Variants in AKAP13 observed in about 807,000 individuals in gnomAD.
AKAP13 encodes the protein A-kinase anchoring protein 13.
AKAP13 carries 80 observed loss-of-function variants against 264.5 expected under a neutral mutation model. The observed-to-expected ratio is 0.30, with a 90% CI of 0.25 to 0.36. The LOEUF (loss-of-function observed/expected upper bound fraction) is 0.36, where lower values mean the gene tolerates loss of function less well. Ranked by LOEUF, AKAP13 falls within the 10% of genes least tolerant of loss-of-function variation. The probability of loss-of-function intolerance (pLI) is 1.00; values close to 1 mark genes in which losing one functional copy is unlikely to be tolerated. For synonymous variants in AKAP13, 1,380 were observed against 1,250.2 expected (o/e 1.10, Z -2.19); for missense variants, 3,712 against 3,435.2 (o/e 1.08, Z -2.01).
rs78602494 is a variant in AKAP13, at chr15:85,413,269, C to T, written c.-12+32471C>T. On this transcript the variant is annotated intron_variant, in intron 1 of 36. Transcript: ENST00000394518. ...GGAGCTGGATCTTTAGAAGGTGGTT[C>T]TTTCAGAACTTCAGAACAGACCGTA... Among the ~76,000 whole-genome samples, 99 of 152,254 alleles carry T rather than the reference C, an allele frequency of 6.5e-4. No homozygotes were observed. In the East Asian group the frequency reaches 0.018, roughly 28 times the overall value.
chr15:85,729,704 A>G (rs1480025984), intron 29 of AKAP13, among the ~76,000 whole-genome samples: 1 of 152,148 alleles, frequency 6.6e-6, no homozygotes, highest in Non-Finnish European at 1.5e-5. Flanking sequence ...TGGGAGGCCA[A>G]GGCGGGCAGA....
chr15:85,521,171 T>A (rs2076809593), intron 2 of AKAP13, among the ~76,000 whole-genome samples: 1 of 152,248 alleles, frequency 6.6e-6, no homozygotes, highest in South Asian at 2.1e-4. Flanking sequence ...ATTAACTTAC[T>A]TGTCTAATGA....
chr15:85,488,779 C>G (rs2075642728), intron 2 of AKAP13, among the ~76,000 whole-genome samples: 1 of 152,178 alleles, frequency 6.6e-6, no homozygotes, highest in African/African-American at 2.4e-5. Flanking sequence ...CATAGAGACT[C>G]TAGAAGGAAC....
chr15:85,463,023 CAAAAAAAAAA>C (rs35565608), intron 1 of AKAP13, among the ~76,000 whole-genome samples: 6 of 65,200 alleles, frequency 9.2e-5, no homozygotes, highest in South Asian at 6.4e-4. Context: ...GACTCCGTCT[CAAAAAAAAAA>C]AAAAAAAAAA....
At chr15:85,398,949 C>T (rs2071253628) in intron 1 of AKAP13, among the ~76,000 whole-genome samples, 1 of 152,146 alleles carries the variant, frequency 6.6e-6, no homozygotes, top group Non-Finnish European at 1.5e-5. Flanking sequence ...CCCCATCACC[C>T]TTCCTCCTGC....
At chr15:85,452,033 A>G (rs562356633) in intron 1 of AKAP13, among the ~76,000 whole-genome samples, 14 of 150,564 alleles carry the variant, frequency 9.3e-5, no homozygotes, top group African/African-American at 3.2e-4. Flanking sequence ...TCTTTACATA[A>G]TTTCTCGGAG....
chr15:85,482,504 C>T (rs1215974212), intron 1 of AKAP13, among the ~76,000 whole-genome samples: 1 of 152,078 alleles, frequency 6.6e-6, no homozygotes, highest in Non-Finnish European at 1.5e-5. Context: ...GCTGAATTAA[C>T]AATGTCAGGG....
chr15:85,675,193 G>T (rs2084157724), intron 14 of AKAP13, among the ~76,000 whole-genome samples: 1 of 152,138 alleles, frequency 6.6e-6, no homozygotes, highest in African/African-American at 2.4e-5. Flanking sequence ...CTTAGATTCT[G>T]AGTAATAGGG....
chr15:85,490,368 A>G (rs1001982117), intron 2 of AKAP13, among the ~76,000 whole-genome samples: 2 of 152,246 alleles, frequency 1.3e-5, no homozygotes, highest in Non-Finnish European at 2.9e-5. Flanking sequence ...CACATGTTAA[A>G]TAAAGTCACA....
At chr15:85,691,700 G>T (rs766948388) in intron 16 of AKAP13, 11 of 412,368 alleles carry the variant, frequency 2.7e-5, no homozygotes, top group Non-Finnish European at 5.3e-5. Context: ...TCATTTGCTG[G>T]TGTCCCCTGT....
Position 85,735,577 on chromosome 15 carries a change from G to A in AKAP13, c.7459G>A (p.Gly2487Arg), listed in dbSNP as rs745942307. 5 of 1,612,082 alleles carry A rather than the reference G, an allele frequency of 3.1e-6. No homozygotes were observed. Among genetic ancestry groups the A allele is most frequent in the South Asian group, 2.2e-5 (2 of 90,220 alleles). Residue 2487 changes from glycine to arginine, a missense_variant, in exon 32 of 37, where the codon GGA becomes AGA. Around this residue, in one of 3 missense-constraint regions of AKAP13, gnomAD observed 611 missense variants for 539.3 expected, o/e 1.13. Coordinates refer to ENST00000394518, the MANE Select transcript of AKAP13 (RefSeq NM_007200.5). ...TTGTTTAGGAGGCGAGAAGGAAGAG[G>A]GAGATGATGGCCAAGATCTTAGGAG... ...NASKGGEKEE[G>R]DDGQDLRRTE...
intron 2 of AKAP13, among the ~76,000 whole-genome samples, chr15:85,507,485 C>T (rs1049329014): frequency 6.6e-6 from 1 of 151,884 alleles, no homozygotes; most frequent in Admixed American, 6.6e-5. Context: ...TAAAGTTTGC[C>T]AATCCTGATA....
chr15:85,427,111 A>G (rs2072822128), intron 1 of AKAP13, among the ~76,000 whole-genome samples: 1 of 150,832 alleles, frequency 6.6e-6, no homozygotes, highest in Admixed American at 6.6e-5. Flanking sequence ...GCCCACCACC[A>G]CGCCCGGCTA....
chr15:85,407,970 T>C (rs973204327), intron 1 of AKAP13, among the ~76,000 whole-genome samples: 1 of 151,614 alleles, frequency 6.6e-6, no homozygotes, highest in Non-Finnish European at 1.5e-5. Context: ...GCAGATCTAA[T>C]GGACATTTTG....
chr15:85,489,406 T>G (rs1283415628), intron 2 of AKAP13, among the ~76,000 whole-genome samples: 1 of 152,210 alleles, frequency 6.6e-6, no homozygotes, highest in African/African-American at 2.4e-5. Flanking sequence ...ATATGTTATC[T>G]CCTTTTTAAA....
intron 1 of AKAP13, among the ~76,000 whole-genome samples, chr15:85,396,922 T>A (rs921628468): frequency 8.4e-4 from 120 of 142,634 alleles, no homozygotes; most frequent in African/African-American, 3.2e-3. Flanking sequence ...TTTTTTTTTT[T>A]AAGATAACTG....
At chr15:85,464,383 A>G (rs1473043356) in intron 1 of AKAP13, among the ~76,000 whole-genome samples, 1 of 152,230 alleles carries the variant, frequency 6.6e-6, no homozygotes, top group African/African-American at 2.4e-5. Context: ...TCCTTAAACA[A>G]GTTCTTTGAG....
intron 4 of AKAP13, among the ~76,000 whole-genome samples, chr15:85,541,541 T>C (rs1450833243): frequency 6.6e-6 from 1 of 152,210 alleles, no homozygotes; most frequent in Non-Finnish European, 1.5e-5. Flanking sequence ...GTATTTGTGG[T>C]TTTATTTCCT....
chr15:85,618,045 C>T (rs950390045), intron 8 of AKAP13, among the ~76,000 whole-genome samples: 14 of 152,176 alleles, frequency 9.2e-5, no homozygotes, highest in Non-Finnish European at 1.3e-4. Flanking sequence ...AGGGGTTGTC[C>T]GCCTTCATTC....
Sources: allele counts gnomAD v4.1 joint callset (sites outside exome capture counted in the v4.1 genomes callset), GRCh38; gene constraint gnomAD v4.1.1; regional missense constraint gnomAD v4.1.1; transcripts MANE v1.5; gene names NCBI Gene and HGNC (gene_info 2026-07-23, HGNC 2026-07-21).